Variants in NDUFAF6 observed in about 807,000 individuals in gnomAD.
The protein encoded by NDUFAF6 is NADH:ubiquinone oxidoreductase complex assembly factor 6, also known as NADH dehydrogenase (ubiquinone) complex I, assembly factor 6.
NDUFAF6 carries 45 observed loss-of-function variants against 40.8 expected under a neutral mutation model. The ratio of observed to expected loss-of-function variants is 1.10; its 90% CI spans 0.87 to 1.42. The LOEUF is 1.42. NDUFAF6 is among the 40% of genes most tolerant of loss of function. The pLI is 0.00. For synonymous variants in NDUFAF6, 185 were observed against 155.9 expected, an observed-to-expected ratio of 1.19 and a Z score of -1.39; for missense variants, 435 against 418.5, an observed-to-expected ratio of 1.04 and a Z score of -0.34.
chr8:94,931,587 T>TACAC (rs557721378), intron 1 of NDUFAF6, among the ~76,000 whole-genome samples: 19,819 of 68,486 alleles, frequency 0.29, 1,431 homozygotes, highest in South Asian at 0.39. Flanking sequence ...ACATATTTAT[T>TACAC]ACACACACAC....
At chr8:94,996,379 T>C (rs1265440453) in intron 2 of NDUFAF6, among the ~76,000 whole-genome samples, 3 of 152,222 alleles carry the variant, frequency 2.0e-5, no homozygotes, top group African/African-American at 4.8e-5. Context: ...CCATAACTTA[T>C]ACCTGAGTCT....
intron 1 of NDUFAF6, among the ~76,000 whole-genome samples, chr8:94,942,940 G>A (rs1311886923): frequency 2.0e-5 from 3 of 152,214 alleles, no homozygotes; most frequent in Admixed American, 2.0e-4. Context: ...AAAGGGGAAG[G>A]GAAAAGTCAA....
intron 2 of NDUFAF6, chr8:94,949,474 G>A (rs1822366441): frequency 6.6e-6 from 1 of 151,960 alleles, no homozygotes; most frequent in Admixed American, 6.6e-5. Flanking sequence ...GGGGCCCCGG[G>A]GCCGCCCTGC....
At chr8:95,036,076 A>G (rs1829467054) in intron 3 of NDUFAF6, among the ~76,000 whole-genome samples, 1 of 152,220 alleles carries the variant, frequency 6.6e-6, no homozygotes, top group Admixed American at 6.5e-5. Flanking sequence ...GTTTGATAGA[A>G]TTATCTATCC....
chr8:95,080,897 T>C (rs1207343092), downstream of NDUFAF6, among the ~76,000 whole-genome samples: 1 of 152,168 alleles, frequency 6.6e-6, no homozygotes, highest in East Asian at 1.9e-4. Flanking sequence ...TCCCAGGATT[T>C]GATGCTGGAC....
chr8:95,085,986 A>G (rs1046518421), intron 2 of NDUFAF6, among the ~76,000 whole-genome samples: 2 of 152,168 alleles, frequency 1.3e-5, no homozygotes, highest in East Asian at 3.9e-4. Context: ...AGAGTCCCAA[A>G]CGCTAACTTT....
intron 1 of NDUFAF6, among the ~76,000 whole-genome samples, chr8:94,925,245 CT>C (rs1355609864): frequency 4.6e-5 from 7 of 152,180 alleles, no homozygotes; most frequent in African/African-American, 1.4e-4. Context: ...GGGAGTTATT[CT>C]TTGGGCTTCG....
intron 2 of NDUFAF6, among the ~76,000 whole-genome samples, chr8:94,997,622 A>T (rs1826515848): frequency 6.6e-6 from 1 of 152,234 alleles, no homozygotes; most frequent in African/African-American, 2.4e-5. Context: ...TCTTATTAAA[A>T]GGATTCACAG....
intron 1 of NDUFAF6, among the ~76,000 whole-genome samples, chr8:94,931,878 A>G (rs536868435): frequency 3.9e-4 from 60 of 152,116 alleles, no homozygotes; most frequent in Non-Finnish European, 7.9e-4. Context: ...AGGCTGAAAC[A>G]AGAGAATCAC....
intron 1 of NDUFAF6, chr8:94,930,430 T>C (rs887845205): frequency 1.2e-6 from 2 of 1,607,890 alleles, no homozygotes; most frequent in Non-Finnish European, 1.7e-6. Flanking sequence ...CACACATCCA[T>C]ACATGTAAGC....
intron 1 of NDUFAF6, among the ~76,000 whole-genome samples, chr8:95,100,977 T>C (rs1351432133): frequency 2.6e-5 from 4 of 152,222 alleles, no homozygotes; most frequent in Non-Finnish European, 4.4e-5. Context: ...TTTCTTGGGT[T>C]AAGCCAATCT....
intron 9 of NDUFAF6, among the ~76,000 whole-genome samples, chr8:95,074,006 G>T (rs559411192): frequency 3.9e-5 from 6 of 152,266 alleles, no homozygotes; most frequent in African/African-American, 1.4e-4. Flanking sequence ...AAAGGATAGA[G>T]TCCTTATTTT....
At chr8:95,069,780 C>CA (rs532924157) in intron 9 of NDUFAF6, among the ~76,000 whole-genome samples, 211 of 76,184 alleles carry the variant, frequency 2.8e-3, no homozygotes, top group Non-Finnish European at 3.9e-3. Flanking sequence ...GACTCCGCGT[C>CA]AAAAAAAAAA....
chr8:95,045,495 C>A, intron 4 of NDUFAF6, 50 bp from the exon 5 acceptor site: 1 of 1,369,374 alleles, frequency 7.3e-7, no homozygotes, highest in Non-Finnish European at 1.0e-6. Context: ...CCTTTTCTTT[C>A]TAAAATATTG....
rs549479223 is a variant in NDUFAF6 at position 94,971,831 on chromosome 8, G to A, written c.-198-9028G>A. Among the ~76,000 whole-genome samples the A allele has an allele frequency of 1.1e-3, 168 of 152,106 alleles. 1 individual carries two copies. Among genetic ancestry groups the A allele is most frequent in the Middle Eastern group, 6.8e-3 (2 of 294 alleles). On this transcript the variant is annotated intron_variant, in intron 1 of 9. Coordinates refer to the NDUFAF6 transcript ENST00000396111. ...CTTGCGCCTATAATCCCAGCTACTCGGGAGGCTGAGGCAGGAGAATCACTT... is the reference window on the plus strand; with the variant it reads ...CTTGCGCCTATAATCCCAGCTACTCAGGAGGCTGAGGCAGGAGAATCACTT...
At chr8:94,981,065 T>G (rs1319452278) in intron 2 of NDUFAF6, 1 of 438,848 alleles carries the variant, frequency 2.3e-6, no homozygotes, top group African/African-American at 2.0e-5. Flanking sequence ...ATATGGTTTA[T>G]CCCCACAAAA....
chr8:94,995,032 T>C (rs532368002), intron 2 of NDUFAF6, among the ~76,000 whole-genome samples: 1 of 152,372 alleles, frequency 6.6e-6, no homozygotes, highest in East Asian at 1.9e-4. Flanking sequence ...AGATCCATTT[T>C]CATTGCAGCA....
chr8:95,045,668 A>G, intron 5 of NDUFAF6, 21 bp downstream of exon 5: 1 of 1,577,066 alleles, frequency 6.3e-7, no homozygotes, highest in South Asian at 1.1e-5. Context: ...TTTCTGTTTC[A>G]TACTTCTTTT....
intron 1 of NDUFAF6, among the ~76,000 whole-genome samples, chr8:95,025,477 T>C (rs895864338): frequency 6.6e-6 from 1 of 152,246 alleles, no homozygotes; most frequent in Non-Finnish European, 1.5e-5. Flanking sequence ...AATTCAGCGT[T>C]TTTGCATGAA....
Sources: gnomAD v4.1 joint callset for allele counts (sites outside exome capture counted in the v4.1 genomes callset) on GRCh38, gnomAD v4.1.1 for gene constraint, MANE v1.5 for transcripts, NCBI Gene and HGNC (gene_info 2026-07-23, HGNC 2026-07-21) for gene names.